IL1RAPL1: variants seen among roughly 807,000 people sequenced by gnomAD.
IL1RAPL1 encodes the protein interleukin-1 receptor accessory protein-like 1.
IL1RAPL1 carries 3 observed loss-of-function variants against 48.4 expected under a neutral mutation model. That is an observed-to-expected ratio of 0.06 (90% CI 0.03 to 0.16). The LOEUF (loss-of-function observed/expected upper bound fraction) is 0.16, where lower values mean the gene tolerates loss of function less well. IL1RAPL1 is among the 10% of genes least tolerant of loss of function. IL1RAPL1 has a pLI of 1.00. For synonymous variants in IL1RAPL1, 185 were observed against 187.7 expected, an observed-to-expected ratio of 0.99 and a Z score of 0.12; for missense variants, 349 against 530.6, an observed-to-expected ratio of 0.66 and a Z score of 3.36.
intron 1 of IL1RAPL1, among the ~76,000 whole-genome samples, chrX:28,776,260 G>A (rs749375474): frequency 6.3e-5 from 7 of 111,755 alleles, no homozygotes; most frequent in Non-Finnish European, 9.4e-5. Context: ...ATTTCTAGAT[G>A]TGGTGGGAAG....
At chrX:29,628,931 CT>C (rs1350524068) in intron 5 of IL1RAPL1, among the ~76,000 whole-genome samples, 2 of 112,055 alleles carry the variant, frequency 1.8e-5, no homozygotes, top group African/African-American at 6.5e-5. Context: ...TAGGGCAATG[CT>C]CTTGGTTGTG....
intron 2 of IL1RAPL1, among the ~76,000 whole-genome samples, chrX:29,232,047 T>C (rs969393234): frequency 8.9e-6 from 1 of 111,805 alleles, no homozygotes; most frequent in African/African-American, 3.2e-5. Flanking sequence ...CTGTTGCATC[T>C]TGTCTTAATG....
At chrX:29,068,708 G>A (rs1927501147) in intron 2 of IL1RAPL1, among the ~76,000 whole-genome samples, 1 of 112,255 alleles carries the variant, frequency 8.9e-6, no homozygotes, top group African/African-American at 3.2e-5. Context: ...AATGGGATGC[G>A]GAAGGATAAC....
At chrX:28,610,688 A>G (rs1934136663) in intron 1 of IL1RAPL1, among the ~76,000 whole-genome samples, 1 of 111,635 alleles carries the variant, frequency 9.0e-6, no homozygotes, top group African/African-American at 3.3e-5. Context: ...TTTGCTGCCT[A>G]GCTCAGCTCC....
At chrX:29,197,211 G>T (rs1930461304) in intron 2 of IL1RAPL1, among the ~76,000 whole-genome samples, 2 of 111,842 alleles carry the variant, frequency 1.8e-5, no homozygotes, top group African/African-American at 6.5e-5. Context: ...AGTAGAATCT[G>T]AAAGTTATCA....
intron 2 of IL1RAPL1, among the ~76,000 whole-genome samples, chrX:28,876,570 A>G (rs1049719123): frequency 2.7e-5 from 3 of 111,508 alleles, no homozygotes; most frequent in African/African-American, 9.8e-5. Context: ...AGCTCACCCT[A>G]ACTTGATTCC....
At chrX:29,391,947 T>G (rs927223322) in intron 3 of IL1RAPL1, among the ~76,000 whole-genome samples, 1 of 112,260 alleles carries the variant, frequency 8.9e-6, no homozygotes, top group African/African-American at 3.2e-5. Context: ...ATGAAGACAT[T>G]GAAAGAAGTA....
chrX:29,683,665 C>T (rs923499995), intron 6 of IL1RAPL1, among the ~76,000 whole-genome samples: 1 of 112,009 alleles, frequency 8.9e-6, no homozygotes, highest in African/African-American at 3.2e-5. Context: ...TAATTGTGCA[C>T]AACATGCAAT....
At position 28,828,255 on chromosome X, in the gene IL1RAPL1, A is replaced by G. The variant is rs751622459; in HGVS notation, c.82+38830A>G. On this transcript the variant is annotated intron_variant, in intron 2 of 10. Transcript: ENST00000378993. ...ATCAGTCTATATGAAGTCCCATCTC[A>G]GTGAAATATCTAACAAAGTATGGCC... Among the ~76,000 whole-genome samples the G allele has an allele frequency of 9.8e-5, 11 of 112,146 alleles. No homozygotes were observed. The South Asian group carries it at 3.7e-3, about 37-fold the overall frequency.
intron 5 of IL1RAPL1, among the ~76,000 whole-genome samples, chrX:29,448,421 G>T (rs1602239746): frequency 8.9e-6 from 1 of 112,010 alleles, no homozygotes; most frequent in East Asian, 2.8e-4. Context: ...TAGAGACTCA[G>T]TTTTATCACT....
intron 5 of IL1RAPL1, among the ~76,000 whole-genome samples, chrX:29,544,798 C>T (rs1034310482): frequency 9.3e-6 from 1 of 108,009 alleles, no homozygotes; most frequent in African/African-American, 3.4e-5. Context: ...AATTGTAACC[C>T]CTTAAGACTC....
chrX:28,695,152 A>G (rs774919606), intron 1 of IL1RAPL1, among the ~76,000 whole-genome samples: 3 of 111,356 alleles, frequency 2.7e-5, no homozygotes, highest in Non-Finnish European at 5.7e-5. Context: ...GATGATAAAG[A>G]ATCTATTGTT....
At chrX:29,251,777 G>A (rs193239450) in intron 2 of IL1RAPL1, among the ~76,000 whole-genome samples, 1 of 111,089 alleles carries the variant, frequency 9.0e-6, no homozygotes, top group East Asian at 2.8e-4. Flanking sequence ...GAGAGACAAG[G>A]TGGGAATGGA....
intron 2 of IL1RAPL1, among the ~76,000 whole-genome samples, chrX:29,236,726 A>T (rs1602127830): frequency 1.1e-5 from 1 of 87,126 alleles, no homozygotes; most frequent in Non-Finnish European, 2.2e-5. Flanking sequence ...CGCCTGGCTA[A>T]TTTTTTTTTT....
chrX:29,069,024 C>G (rs1305184896), intron 2 of IL1RAPL1, among the ~76,000 whole-genome samples: 1 of 112,093 alleles, frequency 8.9e-6, no homozygotes, highest in Non-Finnish European at 1.9e-5. Context: ...AAGCCCCACT[C>G]TCTCCCAGCG....
chrX:29,935,822 G>A (rs1213523917), intron 8 of IL1RAPL1, among the ~76,000 whole-genome samples: 1 of 111,622 alleles, frequency 9.0e-6, no homozygotes, highest in Non-Finnish European at 1.9e-5. Context: ...GTAAGTAGAA[G>A]TTAATTTGGT....
chrX:28,627,997 C>T (rs758843622), intron 1 of IL1RAPL1, among the ~76,000 whole-genome samples: 47 of 111,571 alleles, frequency 4.2e-4, no homozygotes, highest in African/African-American at 1.5e-3. Context: ...TAAGGTCGCC[C>T]GTCTGAGCAG....
At position 29,420,404 on chromosome X, in the gene IL1RAPL1, T is replaced by G. The variant is rs766049191; in HGVS notation, c.703+21096T>G. Among the ~76,000 whole-genome samples the G allele has an allele frequency of 7.1e-5, 8 of 112,757 alleles. No individual in the cohort carries two copies. The South Asian group carries it at 2.9e-3, about 41-fold the overall frequency. ...TGCTTCTTTCTACACGGTTTCTCCATCTGCTATGCACTTACCAGATCTCTG... is the reference window on the plus strand; with the variant it reads ...TGCTTCTTTCTACACGGTTTCTCCAGCTGCTATGCACTTACCAGATCTCTG... On this transcript the variant is annotated intron_variant, in intron 5 of 10. Transcript: ENST00000378993.
chrX:28,649,282 G>A (rs1934656116), intron 1 of IL1RAPL1, among the ~76,000 whole-genome samples: 1 of 112,262 alleles, frequency 8.9e-6, no homozygotes, highest in African/African-American at 3.2e-5. Context: ...CACACAAAGT[G>A]TATTTGTTGA....
Sources: allele counts gnomAD v4.1 joint callset (sites outside exome capture counted in the v4.1 genomes callset), GRCh38; gene constraint gnomAD v4.1.1; transcripts MANE v1.5; gene names NCBI Gene and HGNC (gene_info 2026-07-23, HGNC 2026-07-21).